HIVEP3: variants seen among roughly 807,000 people sequenced by gnomAD.
HIVEP3 encodes the protein transcription factor HIVEP3.
Under a neutral mutation model 152.8 loss-of-function variants are expected in HIVEP3, and 49 were observed. The observed-to-expected ratio is 0.32, with a 90% CI of 0.26 to 0.41. HIVEP3 has a LOEUF of 0.41. Among genes scored for constraint, HIVEP3 ranks in the 10% least tolerant of loss-of-function variants. The pLI is 1.00. For missense variants in HIVEP3, 2,790 were observed against 3,103.3 expected (o/e 0.90, Z 2.40); for synonymous variants, 1,269 against 1,289.0 (o/e 0.98, Z 0.33).
At chr1:41,530,257 C>T (rs552357147) in intron 5 of HIVEP3, among the ~76,000 whole-genome samples, 1 of 152,246 alleles carries the variant, frequency 6.6e-6, no homozygotes, top group South Asian at 2.1e-4. Flanking sequence ...CGCCACCTTG[C>T]GTCCGAGAGG....
At chr1:41,575,343 C>G (rs1355027689) in intron 5 of HIVEP3, among the ~76,000 whole-genome samples, 1 of 152,180 alleles carries the variant, frequency 6.6e-6, no homozygotes, top group Non-Finnish European at 1.5e-5. Flanking sequence ...CACCCATCCC[C>G]ACCAAGAAGC....
In HIVEP3 at chr1:41,660,056, G is replaced by T. The variant is rs1431192186; in HGVS notation, c.-720-31109C>A. Among the ~76,000 whole-genome samples, 3 of 152,314 alleles carry T rather than the reference G, an allele frequency of 2.0e-5. No homozygotes were observed. In the East Asian group the frequency reaches 5.8e-4, roughly 29 times the overall value. On this transcript the variant is annotated intron_variant, in intron 2 of 8. Coordinates refer to ENST00000372583, the MANE Select transcript of HIVEP3 (RefSeq NM_024503.5). ...GGAGTGGGTGTGTGTAGAGGAGCAG[G>T]GTTGTGTGTGCGAATGAGTGAACAG...
intron 1 of HIVEP3, among the ~76,000 whole-genome samples, chr1:41,925,367 C>T (rs746684385): frequency 6.6e-6 from 1 of 152,042 alleles, no homozygotes; most frequent in Non-Finnish European, 1.5e-5. Flanking sequence ...ATATTTTGTA[C>T]ATTATATGTA....
At chr1:41,973,930 G>T (rs1443052495) in intron 1 of HIVEP3, among the ~76,000 whole-genome samples, 7 of 152,224 alleles carry the variant, frequency 4.6e-5, no homozygotes, top group Admixed American at 2.0e-4. Flanking sequence ...GATGTCACTG[G>T]AGGGAATTCA....
intron 2 of HIVEP3, among the ~76,000 whole-genome samples, chr1:41,643,932 G>C (rs1645419203): frequency 8.1e-6 from 1 of 124,028 alleles, no homozygotes. Flanking sequence ...TGTTGCCTAG[G>C]CTGGAGTACA....
In HIVEP3 at chr1:41,731,135, G is replaced by T. The variant is rs552955784; in HGVS notation, c.-800-30140C>A. Among the ~76,000 whole-genome samples, 19 of 152,274 alleles carry T rather than the reference G, an allele frequency of 1.2e-4. No homozygotes were observed. In the South Asian group the frequency reaches 3.9e-3, roughly 32 times the overall value. ...GTGACTGCCGGGAAAAAGGTGTACT[G>T]CGTACAGCTGTCAAGAATGCAAATG... is the stretch of plus-strand genomic sequence containing the variant. On this transcript the variant is annotated intron_variant, in intron 1 of 8. Coordinates refer to ENST00000372583, the MANE Select transcript of HIVEP3 (RefSeq NM_024503.5).
At chr1:41,638,621 G>A (rs1015082734) in intron 2 of HIVEP3, among the ~76,000 whole-genome samples, 2 of 101,142 alleles carry the variant, frequency 2.0e-5, no homozygotes, top group East Asian at 5.3e-4. Context: ...GTTGAACAGG[G>A]AGGGGGCTAC....
chr1:41,584,368 G>GCTGGCT lies in HIVEP3; in HGVS notation c.424_429dup (p.Ser142_Gln143dup). On this transcript the variant is annotated inframe_insertion, in exon 4 of 9. Transcript: ENST00000372583. The surrounding 1 kb of genome is among the most constrained non-coding windows in gnomAD (Gnocchi z 5.2). ...ATGATGGAAGCGTGGGAAGGAAGGA[G>GCTGGCT]CTGGCTCTGAGGATGGAGCCCAGGG... 6.2e-7 allele frequency: 1 copy of GCTGGCT among 1,613,788 alleles called. No homozygotes were observed. The highest frequency in any genetic ancestry group is 8.5e-7 in the Non-Finnish European group (1 of 1,179,822).
chr1:41,890,137 T>C (rs1453623983), intron 1 of HIVEP3, among the ~76,000 whole-genome samples: 3 of 152,202 alleles, frequency 2.0e-5, no homozygotes, highest in East Asian at 1.9e-4. Context: ...GGGATGATGA[T>C]AGTCCCTACC....
Position 41,509,851 on chromosome 1 carries a change from A to G in HIVEP3, c.*600T>C, listed in dbSNP as rs1236359664. ...AAAAAAAAAAAAAAAAAAAAAGGAAAAGATTAGTTTTTCTGGGCCTGCCTG... is the reference window on the plus strand; with the variant it reads ...AAAAAAAAAAAAAAAAAAAAAGGAAGAGATTAGTTTTTCTGGGCCTGCCTG... On this transcript the variant is annotated 3_prime_UTR_variant, in exon 9 of 9. Coordinates refer to ENST00000372583, the MANE Select transcript of HIVEP3 (RefSeq NM_024503.5). The G allele has an allele frequency of 1.3e-5, 2 of 149,848 alleles. No individual in the cohort carries two copies. Among genetic ancestry groups the G allele is most frequent in the Non-Finnish European group, 3.0e-5 (2 of 67,552 alleles). 9.3% of individuals were successfully genotyped at this position (149,848 alleles called of 1,614,324 possible).
At chr1:41,567,620 C>CCCT (rs1461635639) in intron 5 of HIVEP3, among the ~76,000 whole-genome samples, 1 of 152,206 alleles carries the variant, frequency 6.6e-6, no homozygotes, top group Non-Finnish European at 1.5e-5. Flanking sequence ...GAAGAGCAGC[C>CCCT]CCTCACCCAG....
At chr1:41,838,464 G>C (rs943892465) in intron 1 of HIVEP3, among the ~76,000 whole-genome samples, 2 of 152,048 alleles carry the variant, frequency 1.3e-5, no homozygotes, top group Non-Finnish European at 2.9e-5. Flanking sequence ...CTGTCAGGAT[G>C]CTTGGCTGCC....
intron 5 of HIVEP3, among the ~76,000 whole-genome samples, chr1:41,540,579 T>C (rs1485736475): frequency 6.6e-6 from 1 of 152,106 alleles, no homozygotes; most frequent in Non-Finnish European, 1.5e-5. Context: ...TCTTACCCCA[T>C]ACCCCAAGCA....
intron 1 of HIVEP3, among the ~76,000 whole-genome samples, chr1:42,022,642 T>C (rs532471093): frequency 2.6e-5 from 4 of 152,354 alleles, no homozygotes; most frequent in South Asian, 2.1e-4. Flanking sequence ...ACATAGTTTC[T>C]ACACTAAATG....
At chr1:41,893,907 T>TA (rs1644489012) in intron 1 of HIVEP3, among the ~76,000 whole-genome samples, 2 of 142,874 alleles carry the variant, frequency 1.4e-5, no homozygotes, top group African/African-American at 5.5e-5. Context: ...TAATATTTAT[T>TA]TTTTATATAT....
rs1035565304 is a variant in HIVEP3, at chr1:41,721,277, G to A, written c.-800-20282C>T. Among the ~76,000 whole-genome samples, 5 of 151,468 alleles carry A rather than the reference G, an allele frequency of 3.3e-5. No individual in the cohort carries two copies. The East Asian group carries it at 7.8e-4, about 23-fold the overall frequency. On this transcript the variant is annotated intron_variant, in intron 1 of 8. Transcript: ENST00000372583. The stretch of plus-strand genomic sequence containing the variant: ...GGCTGGAGTGCAATGGAGCGATCTC[G>A]GCTCACTGCAACCTCCACATCCCAG...
intron 1 of HIVEP3, among the ~76,000 whole-genome samples, chr1:42,017,477 C>T (rs979680915): frequency 1.3e-5 from 2 of 152,078 alleles, no homozygotes; most frequent in Non-Finnish European, 2.9e-5. Flanking sequence ...CTAGTCATTA[C>T]CACCCCCAGG....
At chr1:41,830,701 C>T (rs1642934472) in intron 1 of HIVEP3, among the ~76,000 whole-genome samples, 1 of 152,198 alleles carries the variant, frequency 6.6e-6, no homozygotes, top group African/African-American at 2.4e-5. Context: ...GACTCAGGCC[C>T]TTGTTGGAAT....
chr1:41,817,825 CTCTT>C (rs1414910885), intron 1 of HIVEP3, among the ~76,000 whole-genome samples: 1 of 152,236 alleles, frequency 6.6e-6, no homozygotes, highest in Non-Finnish European at 1.5e-5. Context: ...ACTACTCCCT[CTCTT>C]TCCAAATACC....
Sources: allele counts gnomAD v4.1 joint callset (sites outside exome capture counted in the v4.1 genomes callset), GRCh38; gene constraint gnomAD v4.1.1; non-coding constraint Gnocchi (gnomAD v3.1); transcripts MANE v1.5; gene names NCBI Gene and HGNC (gene_info 2026-07-23, HGNC 2026-07-21).